The following MPZL1 variants were observed in gnomAD, a reference collection of about 807,000 sequenced individuals.
The protein encoded by MPZL1 is myelin protein zero like 1.
Under a neutral mutation model 29.3 loss-of-function variants are expected in MPZL1, and 16 were observed. The observed-to-expected ratio is 0.55, with a 90% CI of 0.37 to 0.83. MPZL1 has a LOEUF of 0.83. MPZL1 is among the 40% of genes least tolerant of loss of function. The pLI is 0.00. For synonymous variants in MPZL1, 143 were observed against 132.0 expected (o/e 1.08, Z -0.57); for missense variants, 279 against 332.9 (o/e 0.84, Z 1.26).
intron 1 of MPZL1, among the ~76,000 whole-genome samples, chr1:167,762,435 G>A (rs1476478456): frequency 6.6e-6 from 1 of 152,230 alleles, no homozygotes; most frequent in African/African-American, 2.4e-5. Context: ...GCAGCCACGT[G>A]GCGGAAGAAG....
At position 167,766,382 on chromosome 1, in the gene MPZL1, C is replaced by G. The variant is rs75194574; in HGVS notation, c.258+633C>G. Among the ~76,000 whole-genome samples, 175 of 152,224 alleles carry G rather than the reference C, an allele frequency of 1.1e-3. 2 individuals are homozygous for G. The highest frequency in any genetic ancestry group is 4.2e-3 in the African/African-American group (174 of 41,530). Reference sequence around the variant, plus strand: ...TGGTTATTAAACATGAACTGACTATCTTGGTTCTGGTCTGTAAAATGGAGA... The same window carrying G: ...TGGTTATTAAACATGAACTGACTATGTTGGTTCTGGTCTGTAAAATGGAGA... On this transcript the variant is annotated intron_variant, in intron 2 of 5. Coordinates refer to ENST00000359523, the MANE Select transcript of MPZL1 (RefSeq NM_003953.6).
At chr1:167,738,724 T>C (rs112260133) in intron 1 of MPZL1, among the ~76,000 whole-genome samples, 3,210 of 152,206 alleles carry the variant, frequency 0.021, 116 homozygotes, top group African/African-American at 0.073. Context: ...CTCTCTCTCT[T>C]GCTCCTGCTC....
At chr1:167,749,883 C>G (rs917586798) in intron 1 of MPZL1, among the ~76,000 whole-genome samples, 1 of 152,214 alleles carries the variant, frequency 6.6e-6, no homozygotes, top group Non-Finnish European at 1.5e-5. Context: ...CTGGCCTGAT[C>G]TGCATGGAGT....
chr1:167,742,712 CTAAT>C (rs1419026949), intron 1 of MPZL1, among the ~76,000 whole-genome samples: 1 of 152,124 alleles, frequency 6.6e-6, no homozygotes, highest in African/African-American at 2.4e-5. Flanking sequence ...TTTGCGTAAG[CTAAT>C]GTCTAGAAGG....
At chr1:167,756,692 T>C (rs996932474) in intron 1 of MPZL1, among the ~76,000 whole-genome samples, 2 of 152,220 alleles carry the variant, frequency 1.3e-5, no homozygotes, top group African/African-American at 4.8e-5. Flanking sequence ...TATTGTATTC[T>C]TTATTTATTC....
rs569502562 is a variant in MPZL1 at position 167,727,889 on chromosome 1, G to T, written c.91+5647G>T. Among the ~76,000 whole-genome samples, 8 of 128,112 alleles carry T rather than the reference G, an allele frequency of 6.2e-5. No homozygotes were observed. In the East Asian group the frequency reaches 1.2e-3, roughly 20 times the overall value. 84.0% of individuals were successfully genotyped at this position (128,112 alleles called of 152,430 possible). A position where few individuals can be genotyped will look rare whatever the true frequency, so the allele number is the denominator to read the frequency against. On this transcript the variant is annotated intron_variant, in intron 1 of 5. Transcript: ENST00000359523. ...TTCTTTTCCTTTTTTTTTTTTTTGA[G>T]ACAGAGTCTCGTTTTGTCGCCCAGG...
intron 1 of MPZL1, among the ~76,000 whole-genome samples, chr1:167,761,633 C>T (rs1660989761): frequency 1.3e-5 from 2 of 152,078 alleles, no homozygotes; most frequent in South Asian, 2.1e-4. Context: ...TTAAACTAGT[C>T]CTCTAGGGAA....
chr1:167,767,605 A>G (rs3767448), intron 2 of MPZL1, among the ~76,000 whole-genome samples: 26,093 of 152,182 alleles, frequency 0.17, 2,792 homozygotes, highest in East Asian at 0.36. Flanking sequence ...TTTAATTCCA[A>G]AATGTCGGGA....
intron 1 of MPZL1, among the ~76,000 whole-genome samples, chr1:167,760,214 G>GT (rs913609978): frequency 2.6e-5 from 4 of 152,032 alleles, no homozygotes; most frequent in African/African-American, 7.2e-5. Context: ...GTTTTGTTTT[G>GT]TTTTTTGAGA....
At chr1:167,734,960 G>A (rs1257305022) in intron 1 of MPZL1, among the ~76,000 whole-genome samples, 1 of 152,218 alleles carries the variant, frequency 6.6e-6, no homozygotes, top group Non-Finnish European at 1.5e-5. Flanking sequence ...CAGACACCCT[G>A]CAGACGTTGG....
intron 5 of MPZL1, among the ~76,000 whole-genome samples, chr1:167,777,145 T>C (rs1475422688): frequency 6.6e-6 from 1 of 152,328 alleles, no homozygotes; most frequent in Middle Eastern, 3.4e-3. Context: ...ACATAATATA[T>C]GTCAGATACC....
chr1:167,747,730 GCTTTTTTTTT>G (rs1660675191), intron 1 of MPZL1, among the ~76,000 whole-genome samples: 2 of 151,950 alleles, frequency 1.3e-5, no homozygotes, highest in African/African-American at 4.8e-5. Context: ...TTCTACAGCT[GCTTTTTTTTT>G]TAACAGAAGT....
At chr1:167,769,488 T>C (rs1661194029) in intron 2 of MPZL1, among the ~76,000 whole-genome samples, 1 of 152,194 alleles carries the variant, frequency 6.6e-6, no homozygotes, top group Non-Finnish European at 1.5e-5. Context: ...CCCCTCCATG[T>C]CATGGCTATG....
chr1:167,729,435 A>T (rs1025996500), intron 1 of MPZL1, among the ~76,000 whole-genome samples: 1 of 152,234 alleles, frequency 6.6e-6, no homozygotes, highest in Non-Finnish European at 1.5e-5. Flanking sequence ...ATAAGGTGTT[A>T]TATTGTCAGC....
chr1:167,788,008 T>G lies in MPZL1; in HGVS notation c.*87T>G. ...ATGTAGCCCATTACCACATGTAGCCTTGGAGACCCAGGCAAGGACAAGTAC... is the reference window on the plus strand; with the variant it reads ...ATGTAGCCCATTACCACATGTAGCCGTGGAGACCCAGGCAAGGACAAGTAC... On this transcript the variant is annotated 3_prime_UTR_variant, in exon 6 of 6. Coordinates refer to ENST00000359523, the MANE Select transcript of MPZL1 (RefSeq NM_003953.6). The G allele has an allele frequency of 9.2e-7, 1 of 1,091,188 alleles. No homozygotes were observed. Among genetic ancestry groups the G allele is most frequent in the Non-Finnish European group, 1.4e-6 (1 of 717,808 alleles). The allele number at this position is 1,091,188 out of a possible 1,614,324, so 67.6% of individuals were successfully genotyped here.
chr1:167,722,577 C>G (rs1660057064), intron 1 of MPZL1, among the ~76,000 whole-genome samples: 1 of 152,218 alleles, frequency 6.6e-6, no homozygotes, highest in South Asian at 2.1e-4. Context: ...GCACCCTGCC[C>G]TCTCCTCGTG....
At position 167,787,936 on chromosome 1, in the gene MPZL1, C is replaced by T. The variant is rs753339952; in HGVS notation, c.*15C>T. The T allele has an allele frequency of 3.8e-6, 6 of 1,590,268 alleles. No homozygotes were observed. Among genetic ancestry groups the T allele is most frequent in the Non-Finnish European group, 3.5e-6 (4 of 1,158,374 alleles). The stretch of plus-strand genomic sequence containing the variant: ...GAAAGAATTAAGAGAATACCTAGAA[C>T]ATATCCTCAGCAAGAAACAAAACCA... On this transcript the variant is annotated 3_prime_UTR_variant, in exon 6 of 6. Coordinates refer to ENST00000359523, the MANE Select transcript of MPZL1 (RefSeq NM_003953.6).
chr1:167,774,249 T>C (rs1232462632), intron 4 of MPZL1, among the ~76,000 whole-genome samples: 1 of 152,214 alleles, frequency 6.6e-6, no homozygotes, highest in African/African-American at 2.4e-5. Flanking sequence ...GTAGAACTCA[T>C]GTGGTAAGAC....
intron 5 of MPZL1, among the ~76,000 whole-genome samples, chr1:167,777,624 G>A (rs1402598944): frequency 6.6e-6 from 1 of 152,146 alleles, no homozygotes; most frequent in Non-Finnish European, 1.5e-5. Flanking sequence ...TTTGGAGCGG[G>A]GTCCCCTTGA....
Sources: allele counts gnomAD v4.1 joint callset (sites outside exome capture counted in the v4.1 genomes callset), GRCh38; gene constraint gnomAD v4.1.1; transcripts MANE v1.5; gene names NCBI Gene and HGNC (gene_info 2026-07-23, HGNC 2026-07-21).